The following HAPLN3 variants were observed in gnomAD, a reference collection of about 807,000 sequenced individuals.
The protein encoded by HAPLN3 is hyaluronan and proteoglycan link protein 3.
In HAPLN3, 28 loss-of-function variants were observed where a neutral mutation model predicts 28.1. The observed-to-expected ratio is 1.00, with a 90% CI of 0.74 to 1.37. The LOEUF is 1.37. HAPLN3 is among the 40% of genes most tolerant of loss of function. The pLI, the probability that HAPLN3 is intolerant of heterozygous loss-of-function variation, is 0.00. For missense variants in HAPLN3, 513 were observed against 504.6 expected (o/e 1.02, Z -0.16); for synonymous variants, 211 against 213.1 (o/e 0.99, Z 0.09).
At position 88,880,336 on chromosome 15, in the gene HAPLN3, T is replaced by C; in HGVS notation, c.493+1021A>G. The C allele has an allele frequency of 9.2e-7, 1 of 1,085,160 alleles. No homozygotes were observed. Among genetic ancestry groups the C allele is most frequent in the Non-Finnish European group, 1.1e-6 (1 of 886,852 alleles). The allele number at this position is 1,085,160 out of a possible 1,614,324, so 67.2% of individuals were successfully genotyped here. The stretch of plus-strand genomic sequence containing the variant: ...TCAAGAATGAGGAATGCGGCCCCTC[T>C]GAGCCACCATGTAAGCCATGTGGAC... On this transcript the variant is annotated intron_variant, in intron 3 of 4. Coordinates refer to ENST00000359595, the MANE Select transcript of HAPLN3 (RefSeq NM_178232.4). This position sits in a 1 kb window ranked among gnomAD's most constrained non-coding sequence, Gnocchi z 6.0.
At position 88,877,849 on chromosome 15, in the gene HAPLN3, A is replaced by G. The variant is rs1897570350; in HGVS notation, c.*121T>C. The G allele has an allele frequency of 9.7e-7, 1 of 1,032,150 alleles. No homozygotes were observed. The highest frequency in any genetic ancestry group is 3.1e-5 in the Admixed American group (1 of 32,180). The allele number at this position is 1,032,150 out of a possible 1,614,324, so 63.9% of individuals were successfully genotyped here. A position where few individuals can be genotyped will look rare whatever the true frequency, so the allele number is the denominator to read the frequency against. On this transcript the variant is annotated 3_prime_UTR_variant, in exon 5 of 5. Coordinates refer to ENST00000359595, the MANE Select transcript of HAPLN3 (RefSeq NM_178232.4). The surrounding 1 kb of genome is among the most constrained non-coding windows in gnomAD (Gnocchi z 5.1). Reference sequence around the variant, plus strand: ...TACAAAAAATAGTAAAAAAATGTTTAAAGAAAATTTAAATTGAGAAGTATA... The same window carrying G: ...TACAAAAAATAGTAAAAAAATGTTTGAAGAAAATTTAAATTGAGAAGTATA...
At position 88,877,359 on chromosome 15, in the gene HAPLN3, A is replaced by C. The variant is rs1045047621; in HGVS notation, c.*611T>G. On this transcript the variant is annotated 3_prime_UTR_variant, in exon 5 of 5. Coordinates refer to ENST00000359595, the MANE Select transcript of HAPLN3 (RefSeq NM_178232.4). The surrounding 1 kb of genome is among the most constrained non-coding windows in gnomAD (Gnocchi z 5.1). ...CACACACCTGAGGGCCCCTCCCCACACAGGGAAACAGGAGAAACAAATGAC... is the reference window on the plus strand; with the variant it reads ...CACACACCTGAGGGCCCCTCCCCACCCAGGGAAACAGGAGAAACAAATGAC... 6.5e-6 allele frequency: 1 copy of C among 152,922 alleles called. No individual in the cohort carries two copies. Among genetic ancestry groups the C allele is most frequent in the East Asian group, 1.9e-4 (1 of 5,200 alleles). The allele number at this position is 152,922 out of a possible 1,614,324, so 9.5% of individuals were successfully genotyped here.
intron 1 of HAPLN3, among the ~76,000 whole-genome samples, chr15:88,889,268 G>T (rs1897947099): frequency 6.6e-6 from 1 of 152,134 alleles, no homozygotes; most frequent in Non-Finnish European, 1.5e-5. Flanking sequence ...CTGCATGGGG[G>T]AGAGGAGGTA....
In HAPLN3 at chr15:88,882,308, T is replaced by C. The variant is rs147012444; in HGVS notation, c.125-583A>G. The stretch of plus-strand genomic sequence containing the variant: ...TCATCCTAAAGAAGTCACTAAGTTT[T>C]GGGTGGTTTGCTATGCATAAAATCT... On this transcript the variant is annotated intron_variant, in intron 2 of 4. Coordinates refer to ENST00000359595, the MANE Select transcript of HAPLN3 (RefSeq NM_178232.4). Among the ~76,000 whole-genome samples, 749 of 152,318 alleles carry C rather than the reference T, an allele frequency of 4.9e-3. 8 individuals are homozygous for C. Among genetic ancestry groups the C allele is most frequent in the African/African-American group, 0.017 (696 of 41,558 alleles).
intron 2 of HAPLN3, among the ~76,000 whole-genome samples, chr15:88,885,282 G>A (rs1897819270): frequency 1.3e-5 from 2 of 152,096 alleles, no homozygotes; most frequent in Non-Finnish European, 2.9e-5. Context: ...CAAGTTTGTT[G>A]TTGTTGTTTT....
In HAPLN3 at chr15:88,878,255, C is replaced by G. The variant is rs898907530; in HGVS notation, c.798G>C (p.Gly266=). 1.2e-6 allele frequency: 2 copies of G among 1,609,560 alleles called. No individual in the cohort carries two copies. The highest frequency in any genetic ancestry group is 1.7e-5 in the Admixed American group (1 of 59,852). ...DVFCFATALK[G]RVYYLEHPEK... ...CAGGGTGCTCCAGGTAGTACACCCGCCCTGGGGGAAAGGGGGCGTGAGTGC... is the reference window on the plus strand; with the variant it reads ...CAGGGTGCTCCAGGTAGTACACCCGGCCTGGGGGAAAGGGGGCGTGAGTGC... Residue 266 remains glycine (G), a splice_region_variant and synonymous_variant, in exon 5 of 5, where the codon GGG becomes GGC. Transcript: ENST00000359595.
chr15:88,877,645 G>A lies in HAPLN3; in HGVS notation c.*325C>T, dbSNP rs527737673. On this transcript the variant is annotated 3_prime_UTR_variant, in exon 5 of 5. Coordinates refer to ENST00000359595, the MANE Select transcript of HAPLN3 (RefSeq NM_178232.4). This position sits in a 1 kb window ranked among gnomAD's most constrained non-coding sequence, Gnocchi z 5.1. ...TGCCCACCATGCCCGGACTCCCGGC[G>A]GCATTCTAGACAGGCCACCGCCCAC... 13 of 249,526 alleles carry A rather than the reference G, an allele frequency of 5.2e-5. No homozygotes were observed. The highest frequency in any genetic ancestry group is 2.0e-4 in the African/African-American group (9 of 44,308). The allele number at this position is 249,526 out of a possible 1,614,324, so 15.5% of individuals were successfully genotyped here.
chr15:88,887,162 G>T lies in HAPLN3; in HGVS notation c.124+13C>A. ...CCAGGGGAGCAAAGAGCCGGGTGCAGGAGGTCGCCTACCTTTGCCATGACC... is the reference window on the plus strand; with the variant it reads ...CCAGGGGAGCAAAGAGCCGGGTGCATGAGGTCGCCTACCTTTGCCATGACC... On this transcript the variant is annotated intron_variant, in intron 2 of 4. Transcript: ENST00000359595. 6.2e-7 allele frequency: 1 copy of T among 1,614,082 alleles called. No homozygotes were observed. Among genetic ancestry groups the T allele is most frequent in the Non-Finnish European group, 8.5e-7 (1 of 1,179,956 alleles).
Position 88,877,843 on chromosome 15 carries a change from A to T in HAPLN3, c.*127T>A, listed in dbSNP as rs963215058. ...TTGCTTTACAAAAAATAGTAAAAAA[A>T]TGTTTAAAGAAAATTTAAATTGAGA... On this transcript the variant is annotated 3_prime_UTR_variant, in exon 5 of 5. Coordinates refer to ENST00000359595, the MANE Select transcript of HAPLN3 (RefSeq NM_178232.4). This position sits in a 1 kb window ranked among gnomAD's most constrained non-coding sequence, Gnocchi z 5.1. 7.1e-6 allele frequency: 7 copies of T among 981,528 alleles called. No individual in the cohort carries two copies. Among genetic ancestry groups the T allele is most frequent in the Non-Finnish European group, 1.0e-5 (7 of 682,688 alleles). The allele number at this position is 981,528 out of a possible 1,614,324, so 60.8% of individuals were successfully genotyped here.
Position 88,880,147 on chromosome 15 carries a change from CGT to C in HAPLN3, c.494-880_494-879del, listed in dbSNP as rs1378926653. On this transcript the variant is annotated intron_variant, in intron 3 of 4. Transcript: ENST00000359595. This position sits in a 1 kb window ranked among gnomAD's most constrained non-coding sequence, Gnocchi z 6.0. Reference sequence around the variant, plus strand: ...CCTGACAGTCAGCTTGCAGCCTCTACGTGTGTTTGCAGGGGGACTATTTCATG... The same window carrying C: ...CCTGACAGTCAGCTTGCAGCCTCTACGTGTTTGCAGGGGGACTATTTCATG... 6 of 995,594 alleles carry C rather than the reference CGT, an allele frequency of 6.0e-6. No homozygotes were observed. The highest frequency in any genetic ancestry group is 7.2e-6 in the Non-Finnish European group (6 of 836,636). 61.7% of individuals were successfully genotyped at this position (995,594 alleles called of 1,614,324 possible).
In HAPLN3 at chr15:88,888,707, C is replaced by T. The variant is rs936198826; in HGVS notation, c.-47-1362G>A. Reference sequence around the variant, plus strand: ...GCTTGGTCCAGGGAGGGGGCAGAGTCGTGGGCAGGCAGTCTTGATTGCTGT... The same window carrying T: ...GCTTGGTCCAGGGAGGGGGCAGAGTTGTGGGCAGGCAGTCTTGATTGCTGT... On this transcript the variant is annotated intron_variant, in intron 1 of 4. Coordinates refer to ENST00000359595, the MANE Select transcript of HAPLN3 (RefSeq NM_178232.4). This position sits in a 1 kb window ranked among gnomAD's most constrained non-coding sequence, Gnocchi z 4.1. Among the ~76,000 whole-genome samples the T allele has an allele frequency of 2.8e-4, 42 of 152,210 alleles. No individual in the cohort carries two copies. Among genetic ancestry groups the T allele is most frequent in the African/African-American group, 9.9e-4 (41 of 41,520 alleles).
chr15:88,880,368 G>A lies in HAPLN3; in HGVS notation c.493+989C>T, dbSNP rs1312893996. The A allele has an allele frequency of 3.5e-6, 4 of 1,126,986 alleles. No homozygotes were observed. Among genetic ancestry groups the A allele is most frequent in the African/African-American group, 3.3e-5 (2 of 60,230 alleles). 69.8% of individuals were successfully genotyped at this position (1,126,986 alleles called of 1,614,324 possible). ...CCATGTAAGCCATGTGGACACTGGT[G>A]GCAAAGACAGAGAACGCATTTTAAG... On this transcript the variant is annotated intron_variant, in intron 3 of 4. Transcript: ENST00000359595. This position sits in a 1 kb window ranked among gnomAD's most constrained non-coding sequence, Gnocchi z 6.0.
At chr15:88,885,195 C>G (rs1328282237) in intron 2 of HAPLN3, among the ~76,000 whole-genome samples, 2 of 152,228 alleles carry the variant, frequency 1.3e-5, no homozygotes, top group Non-Finnish European at 2.9e-5. Context: ...CTGAACCAGG[C>G]TGTGCGCTCT....
chr15:88,878,319 C>A, intron 4 of HAPLN3, 63 bp from the exon 5 acceptor site: 1 of 1,474,506 alleles, frequency 6.8e-7, no homozygotes, highest in African/African-American at 1.4e-5. Context: ...ACAGCGGGGT[C>A]TGCAGAGATG....
In HAPLN3 at chr15:88,879,690, C is replaced by T; in HGVS notation, c.494-421G>A. ...ACGTTATTATGAATGTGGAAATTTC[C>T]TAGGAAAATGCAAGGAACTTTCCAC... On this transcript the variant is annotated intron_variant, in intron 3 of 4. Coordinates refer to ENST00000359595, the MANE Select transcript of HAPLN3 (RefSeq NM_178232.4). The surrounding 1 kb of genome is among the most constrained non-coding windows in gnomAD (Gnocchi z 5.0). The T allele has an allele frequency of 5.1e-6, 6 of 1,179,496 alleles. No individual in the cohort carries two copies. The highest frequency in any genetic ancestry group is 6.4e-6 in the Non-Finnish European group (6 of 937,990). 73.1% of individuals were successfully genotyped at this position (1,179,496 alleles called of 1,614,324 possible).
intron 1 of HAPLN3, among the ~76,000 whole-genome samples, chr15:88,889,551 G>A (rs1334485144): frequency 6.6e-6 from 1 of 152,144 alleles, no homozygotes; most frequent in African/African-American, 2.4e-5. Flanking sequence ...AGCCAGGCTG[G>A]TCTCGAACTC....
rs545948656 is a variant in HAPLN3 at position 88,887,467 on chromosome 15, G to A, written c.-47-122C>T. ...TCACTGCGGGACACCTGCCGCCTAC[G>A]TGCCAGACGCTGTTCCCGGAGCTGA... On this transcript the variant is annotated intron_variant, in intron 1 of 4. Coordinates refer to ENST00000359595, the MANE Select transcript of HAPLN3 (RefSeq NM_178232.4). 1.3e-3 allele frequency: 1,098 copies of A among 828,640 alleles called. 6 individuals are homozygous for A. In the African/African-American group the frequency reaches 0.017, roughly 13 times the overall value. 51.3% of individuals were successfully genotyped at this position (828,640 alleles called of 1,614,324 possible).
At chr15:88,893,590 C>A (rs1898072554) in intron 1 of HAPLN3, among the ~76,000 whole-genome samples, 1 of 152,074 alleles carries the variant, frequency 6.6e-6, no homozygotes, top group African/African-American at 2.4e-5. Context: ...TGTCATTGGA[C>A]AAGTCGCTGC....
intron 2 of HAPLN3, among the ~76,000 whole-genome samples, chr15:88,883,109 G>A (rs898968608): frequency 2.0e-5 from 3 of 152,202 alleles, no homozygotes; most frequent in East Asian, 1.9e-4. Context: ...TAGAGGAATC[G>A]TGCTAAAAAA....
Sources: gnomAD v4.1 joint callset for allele counts (sites outside exome capture counted in the v4.1 genomes callset) on GRCh38, gnomAD v4.1.1 for gene constraint, Gnocchi (gnomAD v3.1) non-coding constraint, MANE v1.5 for transcripts, NCBI Gene and HGNC (gene_info 2026-07-23, HGNC 2026-07-21) for gene names.